MYO1H: variants seen among roughly 807,000 people sequenced by gnomAD.
MYO1H encodes unconventional myosin-Ih.
In MYO1H, 118 loss-of-function variants were observed where a neutral mutation model predicts 149.3. That is an observed-to-expected ratio of 0.79 (90% confidence interval 0.68 to 0.92). MYO1H has a LOEUF of 0.92. MYO1H is among the 40% of genes least tolerant of loss of function. MYO1H has a pLI of 0.00. For missense variants in MYO1H, 1,212 were observed against 1,280.7 expected, an observed-to-expected ratio of 0.95 and a Z score of 0.82; for synonymous variants, 447 against 465.2, an observed-to-expected ratio of 0.96 and a Z score of 0.50.
chr12:109,332,622 C>T, the MYO1H span, among the ~76,000 whole-genome samples: 1,194 of 152,270 alleles, frequency 7.8e-3, 15 homozygotes, highest in Non-Finnish European at 8.1e-3. Context: ...CTGTTGCCCA[C>T]GCTGGAGTGC....
At chr12:109,377,378 G>A (rs1281562683) in intron 1 of MYO1H, among the ~76,000 whole-genome samples, 2 of 152,186 alleles carry the variant, frequency 1.3e-5, no homozygotes, top group African/African-American at 4.8e-5. Context: ...AGAGAGAGGA[G>A]GTGGAGGTAT....
chr12:109,374,026 C>T (rs1037510260), intron 1 of MYO1H, among the ~76,000 whole-genome samples: 2 of 152,116 alleles, frequency 1.3e-5, no homozygotes, highest in Non-Finnish European at 2.9e-5. Flanking sequence ...TTATTTGGGG[C>T]CCTTGTTATA....
At chr12:109,368,660 A>G (rs927962355) in intron 1 of MYO1H, among the ~76,000 whole-genome samples, 21 of 144,112 alleles carry the variant, frequency 1.5e-4, no homozygotes, top group African/African-American at 3.4e-4. Context: ...AAAAAAAAAA[A>G]GGGTTCTTGC....
intron 23 of MYO1H, 53 bp from the exon 24 acceptor site, chr12:109,439,578 A>T (rs1272864142): frequency 4.5e-6 from 7 of 1,539,392 alleles, no homozygotes; most frequent in Non-Finnish European, 6.2e-6. Context: ...AAGAGAATGT[A>T]AATCTCGGTG....
At chr12:109,355,052 G>T (rs900890834) in intron 1 of MYO1H, among the ~76,000 whole-genome samples, 2 of 152,208 alleles carry the variant, frequency 1.3e-5, no homozygotes, top group African/African-American at 4.8e-5. Context: ...TGTGGGAAAA[G>T]AAGGAAAAGC....
exon 9 of MYO1H, chr12:109,406,830 C>G: frequency 6.2e-7 from 1 of 1,613,910 alleles, no homozygotes; most frequent in East Asian, 2.2e-5. Context: ...AAGCTCTCAC[C>G]CACAGAAAAA....
At chr12:109,446,226 T>TA (rs1872473787) in intron 31 of MYO1H, 24 of 985,448 alleles carry the variant, frequency 2.4e-5, no homozygotes, top group Non-Finnish European at 2.7e-5. Context: ...AGCACACAAG[T>TA]ACGCTGCCTT....
At chr12:109,323,598 A>G in the MYO1H span, among the ~76,000 whole-genome samples, 1 of 152,180 alleles carries the variant, frequency 6.6e-6, no homozygotes, top group African/African-American at 2.4e-5. Context: ...GGGATTTTTC[A>G]TTTCTAAGTG....
intron 1 of MYO1H, among the ~76,000 whole-genome samples, chr12:109,350,635 T>C (rs1334427939): frequency 6.6e-6 from 1 of 152,218 alleles, no homozygotes; most frequent in Non-Finnish European, 1.5e-5. Context: ...TAAAGCTCCC[T>C]GTCAGATAAT....
chr12:109,400,922 T>C (rs1029780235), intron 5 of MYO1H, among the ~76,000 whole-genome samples, 171 bp from the exon 6 acceptor site: 31 of 152,130 alleles, frequency 2.0e-4, no homozygotes, highest in African/African-American at 6.5e-4. Flanking sequence ...AAAATTTTTG[T>C]AAACAGAACC....
intron 19 of MYO1H, among the ~76,000 whole-genome samples, chr12:109,428,264 G>A (rs961815942): frequency 6.6e-6 from 1 of 152,102 alleles, no homozygotes; most frequent in Non-Finnish European, 1.5e-5. Flanking sequence ...GAGAAGCTAA[G>A]TCCATTTGTG....
At chr12:109,353,830 T>C (rs553719145) in intron 1 of MYO1H, among the ~76,000 whole-genome samples, 2 of 152,238 alleles carry the variant, frequency 1.3e-5, no homozygotes, top group African/African-American at 4.8e-5. Context: ...TTTTTTTTAT[T>C]TTTAGTAGAA....
At chr12:109,422,211 C>T (rs1435176371) in intron 16 of MYO1H, among the ~76,000 whole-genome samples, 1 of 152,194 alleles carries the variant, frequency 6.6e-6, no homozygotes, top group African/African-American at 2.4e-5. Flanking sequence ...TTATTAAAAG[C>T]TTAACCCTAA....
At chr12:109,374,347 C>T (rs115692820) in intron 1 of MYO1H, among the ~76,000 whole-genome samples, 1,552 of 152,238 alleles carry the variant, frequency 0.01, 30 homozygotes, top group African/African-American at 0.036. Context: ...GTCTCAGTTT[C>T]CCCGTCTGTA....
At position 109,446,031 on chromosome 12, in the gene MYO1H, A is replaced by G. The variant is rs997959055; in HGVS notation, c.3093+419A>G. 5.1e-6 allele frequency: 5 copies of G among 985,366 alleles called. No homozygotes were observed. In the Admixed American group the frequency reaches 2.5e-4, roughly 48 times the overall value. 61.0% of individuals were successfully genotyped at this position (985,366 alleles called of 1,614,324 possible). On this transcript the variant is annotated intron_variant, in intron 31 of 31. Transcript: ENST00000310903. The stretch of plus-strand genomic sequence containing the variant: ...GGTGCGGCTTAGGCTTCAGGATGCA[A>G]GAAAATATAAACGTAAGAAAAATAT...
chr12:109,318,080 T>C, the MYO1H span, among the ~76,000 whole-genome samples: 1 of 152,200 alleles, frequency 6.6e-6, no homozygotes, highest in African/African-American at 2.4e-5. Context: ...AAACATATAG[T>C]TGTTGGTACA....
chr12:109,429,740 G>T (rs140000351), intron 19 of MYO1H, among the ~76,000 whole-genome samples: 256 of 151,018 alleles, frequency 1.7e-3, no homozygotes, highest in African/African-American at 6.0e-3. Flanking sequence ...GAGTGGCCAG[G>T]CTCCCTCCTT....
At chr12:109,380,904 T>TAA (rs1263732361) in intron 1 of MYO1H, among the ~76,000 whole-genome samples, 1 of 152,082 alleles carries the variant, frequency 6.6e-6, no homozygotes, top group Non-Finnish European at 1.5e-5. Flanking sequence ...TGAGATCACG[T>TAA]CATTGCACTC....
rs1274155797 is a variant in MYO1H, at chr12:109,442,794, TC to T, written c.2688+523del. 9.8e-5 allele frequency among the ~76,000 whole-genome samples: 9 copies of T among 91,986 alleles called. No individual in the cohort carries two copies. The South Asian group carries it at 1.2e-3, about 12-fold the overall frequency. 60.3% of individuals were successfully genotyped at this position (91,986 alleles called of 152,430 possible). A position where few individuals can be genotyped will look rare whatever the true frequency, so the allele number is the denominator to read the frequency against. On this transcript the variant is annotated intron_variant, in intron 27 of 31. Coordinates refer to ENST00000310903, the Ensembl canonical transcript of MYO1H. ...GGTGATCGTGTGTGCCAGTGTCTGC[TC>T]TTTTTTTTTTTTTTTTTTTTTTTGT...
Sources: allele counts gnomAD v4.1 joint callset (sites outside exome capture counted in the v4.1 genomes callset), GRCh38; gene constraint gnomAD v4.1.1; transcripts MANE v1.5; gene names NCBI Gene and HGNC (gene_info 2026-07-23, HGNC 2026-07-21).